IFT57: variants seen among roughly 807,000 people sequenced by gnomAD.
The protein encoded by IFT57 is intraflagellar transport protein 57 homolog.
IFT57 carries 59 observed loss-of-function variants against 56.8 expected under a neutral mutation model. The ratio of observed to expected loss-of-function variants is 1.04; its 90% CI spans 0.84 to 1.29. The LOEUF is 1.29. Among genes scored for constraint, IFT57 ranks in the 50% most tolerant of loss-of-function variants. IFT57 has a pLI of 0.00. For missense variants in IFT57, 470 were observed against 522.1 expected (o/e 0.90, Z 0.97); for synonymous variants, 209 against 186.1 (o/e 1.12, Z -1.00).
rs768572126 is a variant in IFT57, at chr3:108,222,360, C to G, written c.-38G>C. The stretch of plus-strand genomic sequence containing the variant: ...AGAGTCCAGCGTGGGCTCAGGCCCA[C>G]AGACCTCTGCGGCCTAAGCCGCCAG... On this transcript the variant is annotated 5_prime_UTR_variant, in exon 1 of 11. Coordinates refer to ENST00000264538, the MANE Select transcript of IFT57 (RefSeq NM_018010.4). The G allele has an allele frequency of 1.3e-6, 2 of 1,555,968 alleles. No individual in the cohort carries two copies. Among genetic ancestry groups the G allele is most frequent in the Admixed American group, 3.8e-5 (2 of 53,168 alleles).
At chr3:108,173,668 C>A (rs956667946) in intron 6 of IFT57, among the ~76,000 whole-genome samples, 1 of 151,482 alleles carries the variant, frequency 6.6e-6, no homozygotes, top group African/African-American at 2.4e-5. Context: ...GAATGGAGGT[C>A]TGGGTGCTCA....
chr3:108,218,831 A>C (rs370509977), intron 2 of IFT57, among the ~76,000 whole-genome samples, 178 bp from the exon 3 acceptor site: 7 of 152,208 alleles, frequency 4.6e-5, no homozygotes, highest in East Asian at 3.8e-4. Flanking sequence ...TTGATACATA[A>C]AAATACTCAA....
At chr3:108,220,298 T>A (rs1362745237) in intron 1 of IFT57, among the ~76,000 whole-genome samples, 1 of 152,258 alleles carries the variant, frequency 6.6e-6, no homozygotes, top group East Asian at 1.9e-4. Flanking sequence ...ACCTAAACAT[T>A]ATAGGAATAA....
intron 6 of IFT57, among the ~76,000 whole-genome samples, chr3:108,174,100 A>T (rs997510096): frequency 2.0e-5 from 3 of 150,404 alleles, no homozygotes; most frequent in Non-Finnish European, 1.5e-5. Context: ...ACCATTCCAG[A>T]ATATTCTAAA....
chr3:108,216,772 T>C (rs988151059), intron 3 of IFT57, among the ~76,000 whole-genome samples: 2 of 152,236 alleles, frequency 1.3e-5, no homozygotes, highest in Non-Finnish European at 2.9e-5. Context: ...ATTTTCACAG[T>C]GGAATACCAT....
chr3:108,192,937 A>G (rs1229283519), intron 5 of IFT57, among the ~76,000 whole-genome samples: 2 of 152,176 alleles, frequency 1.3e-5, no homozygotes, highest in Non-Finnish European at 2.9e-5. Flanking sequence ...ACTATGAGGC[A>G]AAGAAAAAAA....
At chr3:108,183,994 A>G (rs1385715467) in intron 6 of IFT57, among the ~76,000 whole-genome samples, 1 of 152,188 alleles carries the variant, frequency 6.6e-6, no homozygotes. Context: ...TAAAAAGTTT[A>G]TATGTTACTA....
At chr3:108,171,743 A>C (rs2080093472) in intron 6 of IFT57, among the ~76,000 whole-genome samples, 1 of 151,792 alleles carries the variant, frequency 6.6e-6, no homozygotes, top group Admixed American at 6.6e-5. Context: ...AGCCCAAGTT[A>C]GCATCTTTAT....
chr3:108,216,461 G>A (rs556924748), intron 3 of IFT57, among the ~76,000 whole-genome samples: 2 of 151,984 alleles, frequency 1.3e-5, no homozygotes, highest in Admixed American at 6.6e-5. Flanking sequence ...CCAACCCCTC[G>A]CCCCCCAAAA....
Position 108,162,461 on chromosome 3 carries a change from T to C in IFT57, c.*16A>G. The C allele has an allele frequency of 6.4e-7, 1 of 1,567,630 alleles. No individual in the cohort carries two copies. The highest frequency in any genetic ancestry group is 1.2e-5 in the South Asian group (1 of 84,882). Reference sequence around the variant, plus strand: ...TAAAAAACCCAACTAATCAGAAACATGAAAACCAGTATGTTTTAATAAAAG... The same window carrying C: ...TAAAAAACCCAACTAATCAGAAACACGAAAACCAGTATGTTTTAATAAAAG... On this transcript the variant is annotated 3_prime_UTR_variant, in exon 11 of 11. Coordinates refer to ENST00000264538, the MANE Select transcript of IFT57 (RefSeq NM_018010.4).
chr3:108,209,516 G>A (rs1349460087), intron 4 of IFT57, among the ~76,000 whole-genome samples: 2 of 152,186 alleles, frequency 1.3e-5, no homozygotes, highest in African/African-American at 2.4e-5. Flanking sequence ...CAATTTGACT[G>A]AGCCACAAGG....
At chr3:108,175,987 T>C (rs1359661992) in intron 6 of IFT57, among the ~76,000 whole-genome samples, 3 of 151,748 alleles carry the variant, frequency 2.0e-5, no homozygotes. Context: ...TTTTTGCTTC[T>C]CCCTGCAAAA....
At position 108,192,195 on chromosome 3, in the gene IFT57, AAG is replaced by A. The variant is rs2080219460; in HGVS notation, c.655-554_655-553del. ...GTCTCAAAAAAAAAAAAAAAAAAAAAAGGGAAACACTTAAATTTATCACACTG... is the reference window on the plus strand; with the variant it reads ...GTCTCAAAAAAAAAAAAAAAAAAAAAGGAAACACTTAAATTTATCACACTG... On this transcript the variant is annotated intron_variant, in intron 5 of 10. Transcript: ENST00000264538. 2.0e-5 allele frequency among the ~76,000 whole-genome samples: 3 copies of A among 148,458 alleles called. No homozygotes were observed. In the South Asian group the frequency reaches 6.4e-4, roughly 31 times the overall value.
At chr3:108,205,700 C>A (rs1316160924) in intron 5 of IFT57, among the ~76,000 whole-genome samples, 1 of 146,922 alleles carries the variant, frequency 6.8e-6, no homozygotes, top group Non-Finnish European at 1.5e-5. Context: ...GCATTACTTT[C>A]CATATGTACT....
At chr3:108,201,785 G>A (rs964288674) in intron 5 of IFT57, among the ~76,000 whole-genome samples, 30 of 152,066 alleles carry the variant, frequency 2.0e-4, no homozygotes, top group African/African-American at 7.2e-4. Context: ...AAGTATTTAA[G>A]ATATTAACCA....
intron 6 of IFT57, among the ~76,000 whole-genome samples, chr3:108,191,030 A>T (rs2080212233): frequency 6.6e-6 from 1 of 152,092 alleles, no homozygotes; most frequent in Non-Finnish European, 1.5e-5. Flanking sequence ...TGACCTCATG[A>T]TTTGCCCACC....
chr3:108,186,323 A>AAG (rs1364442095), intron 6 of IFT57, among the ~76,000 whole-genome samples: 2 of 124,000 alleles, frequency 1.6e-5, no homozygotes, highest in African/African-American at 5.9e-5. Flanking sequence ...GGCTATGCCA[A>AAG]AAAAAAAAAA....
chr3:108,174,691 T>C (rs755236600), intron 6 of IFT57, among the ~76,000 whole-genome samples: 2 of 151,844 alleles, frequency 1.3e-5, no homozygotes, highest in Non-Finnish European at 2.9e-5. Context: ...GGACATGGTC[T>C]ATGCCAGGAT....
At chr3:108,167,279 G>A (rs1406873982) in intron 7 of IFT57, 7 of 259,070 alleles carry the variant, frequency 2.7e-5, no homozygotes, top group East Asian at 9.9e-5. Context: ...CACAATCAAA[G>A]TAAGGGAATA....
Sources: allele counts gnomAD v4.1 joint callset (sites outside exome capture counted in the v4.1 genomes callset), GRCh38; gene constraint gnomAD v4.1.1; transcripts MANE v1.5; gene names NCBI Gene and HGNC (gene_info 2026-07-23, HGNC 2026-07-21).